Variants in JAM3 observed in about 807,000 individuals in gnomAD.
The protein encoded by JAM3 is junctional adhesion molecule C.
In JAM3, 31 loss-of-function variants were observed where a neutral mutation model predicts 39.4. The ratio of observed to expected loss-of-function variants is 0.79; its 90% confidence interval spans 0.59 to 1.06. The LOEUF is 1.06. JAM3 is among the 50% of genes least tolerant of loss of function. The pLI is 0.00. For synonymous variants in JAM3, 182 were observed against 148.7 expected (o/e 1.22, Z -1.63); for missense variants, 455 against 391.4 (o/e 1.16, Z -1.37).
At chr11:134,107,028 C>T (rs572415017) in intron 1 of JAM3, among the ~76,000 whole-genome samples, 34 of 152,290 alleles carry the variant, frequency 2.2e-4, no homozygotes, top group African/African-American at 7.2e-4. Context: ...AAGACACATG[C>T]ACACGTATGT....
rs371267641 is a variant in JAM3, at chr11:134,109,067, G to A, written c.77-30784G>A. On this transcript the variant is annotated intron_variant, in intron 1 of 8. Transcript: ENST00000299106. Reference sequence around the variant, plus strand: ...CACCTCCCAGGTTCAAGCAATTCTCGTGCCTTAGCCTCCCGTGTAGCTGGG... The same window carrying A: ...CACCTCCCAGGTTCAAGCAATTCTCATGCCTTAGCCTCCCGTGTAGCTGGG... Among the ~76,000 whole-genome samples, 437 of 152,018 alleles carry A rather than the reference G, an allele frequency of 2.9e-3. 1 individual carries two copies. Among genetic ancestry groups the A allele is most frequent in the African/African-American group, 9.6e-3 (399 of 41,456 alleles).
At chr11:134,130,165 C>T (rs1942741564) in intron 1 of JAM3, among the ~76,000 whole-genome samples, 1 of 152,136 alleles carries the variant, frequency 6.6e-6, no homozygotes, top group South Asian at 2.1e-4. Context: ...CTAGTTCTAC[C>T]TGAAGCAATT....
intron 1 of JAM3, among the ~76,000 whole-genome samples, chr11:134,093,144 TTCTA>T (rs1941905046): frequency 7.6e-6 from 1 of 131,002 alleles, no homozygotes; most frequent in South Asian, 2.7e-4. Context: ...ATTCATCATG[TTCTA>T]TCTTACATGT....
intron 1 of JAM3, among the ~76,000 whole-genome samples, chr11:134,069,418 C>T (rs951848397): frequency 4.6e-5 from 7 of 152,282 alleles, no homozygotes; most frequent in African/African-American, 1.4e-4. Context: ...GGGGCCCGTC[C>T]CAGGCAGTGA....
At chr11:134,091,020 T>C (rs1245939356) in intron 1 of JAM3, among the ~76,000 whole-genome samples, 1 of 152,210 alleles carries the variant, frequency 6.6e-6, no homozygotes, top group Non-Finnish European at 1.5e-5. Flanking sequence ...ATGTATTGGC[T>C]GGCTAAGATT....
intron 1 of JAM3, among the ~76,000 whole-genome samples, chr11:134,116,920 A>G (rs955154890): frequency 8.5e-5 from 13 of 152,104 alleles, no homozygotes; most frequent in African/African-American, 2.9e-4. Context: ...TCATTCTTTG[A>G]TGTGAGAAAC....
intron 1 of JAM3, among the ~76,000 whole-genome samples, chr11:134,074,987 CTTTTTT>C (rs57613157): frequency 6.4e-5 from 8 of 124,478 alleles, no homozygotes; most frequent in Admixed American, 8.5e-5. Flanking sequence ...AAGACAGCTG[CTTTTTT>C]TTTTTTTTTT....
chr11:134,091,370 C>G (rs544142697), intron 1 of JAM3, among the ~76,000 whole-genome samples: 1 of 152,202 alleles, frequency 6.6e-6, no homozygotes, highest in African/African-American at 2.4e-5. Context: ...TGGCACGCGC[C>G]TGTAGTCCCA....
At chr11:134,123,736 C>T (rs1942583537) in intron 1 of JAM3, 1 of 603,292 alleles carries the variant, frequency 1.7e-6, no homozygotes, top group Non-Finnish European at 3.0e-6. Context: ...ACTTTGATGA[C>T]ACAGGTAAGA....
chr11:134,142,415 C>T (rs1177976785), intron 3 of JAM3, among the ~76,000 whole-genome samples: 2 of 152,156 alleles, frequency 1.3e-5, no homozygotes, highest in Admixed American at 1.3e-4. Context: ...TTGCCAACGT[C>T]TGTGCTCCAT....
At chr11:134,144,702 G>T (rs936420405) in intron 4 of JAM3, 90 bp from the exon 5 acceptor site, 5 of 1,226,996 alleles carry the variant, frequency 4.1e-6, no homozygotes, top group Non-Finnish European at 6.0e-6. Flanking sequence ...TCGACTGGCT[G>T]TCTTGTCTTT....
chr11:134,130,820 T>TGG (rs1942755714), intron 1 of JAM3, among the ~76,000 whole-genome samples: 1 of 152,222 alleles, frequency 6.6e-6, no homozygotes, highest in African/African-American at 2.4e-5. Context: ...CCAGCCTTTC[T>TGG]GGGGGATACC....
intron 1 of JAM3, among the ~76,000 whole-genome samples, chr11:134,132,310 A>G (rs2120822158): frequency 6.6e-6 from 1 of 152,350 alleles, no homozygotes; most frequent in Non-Finnish European, 1.5e-5. Flanking sequence ...TGTAAAACAC[A>G]AATTCTATAT....
intron 5 of JAM3, 52 bp downstream of exon 5, chr11:134,145,046 G>C (rs1943046390): frequency 2.9e-6 from 4 of 1,391,614 alleles, no homozygotes; most frequent in Middle Eastern, 1.8e-4. Context: ...TGGGGCAAGA[G>C]ATGCTTATTG....
chr11:134,086,696 G>A (rs1395555952), intron 1 of JAM3, among the ~76,000 whole-genome samples: 1 of 152,120 alleles, frequency 6.6e-6, no homozygotes, highest in Non-Finnish European at 1.5e-5. Context: ...GAATGAATGA[G>A]TTCAGGACAA....
chr11:134,112,631 C>T (rs1349356562), intron 1 of JAM3, among the ~76,000 whole-genome samples: 3 of 152,130 alleles, frequency 2.0e-5, no homozygotes, highest in East Asian at 3.8e-4. Context: ...TAACATATTC[C>T]TCCCAACAAT....
Position 134,150,477 on chromosome 11 carries a change from G to A in JAM3, c.*1296G>A, listed in dbSNP as rs889044984. ...ATCCTTGGGCCCTGGCAGTGGCTGT[G>A]TCCCAGTGAGCTTTACTCACGTGGC... is the stretch of plus-strand genomic sequence containing the variant. On this transcript the variant is annotated 3_prime_UTR_variant, in exon 9 of 9. Coordinates refer to ENST00000299106, the MANE Select transcript of JAM3 (RefSeq NM_032801.5). The A allele has an allele frequency of 3.3e-5, 5 of 152,222 alleles. No homozygotes were observed. The highest frequency in any genetic ancestry group is 1.2e-4 in the African/African-American group (5 of 41,454). The allele number at this position is 152,222 out of a possible 1,614,324, so 9.4% of individuals were successfully genotyped here. A position where few individuals can be genotyped will look rare whatever the true frequency, so the allele number is the denominator to read the frequency against.
chr11:134,148,186 T>C (rs556816411), intron 6 of JAM3: 24 of 275,850 alleles, frequency 8.7e-5, no homozygotes, highest in African/African-American at 4.4e-4. Context: ...GATTCTTTTC[T>C]TCTTGGGATC....
At chr11:134,139,502 A>G in intron 1 of JAM3, 1 of 328,898 alleles carries the variant, frequency 3.0e-6, no homozygotes, top group Non-Finnish European at 5.9e-6. Context: ...GGGAAGATGG[A>G]GGGAGAAAGG....
Sources: allele counts gnomAD v4.1 joint callset (sites outside exome capture counted in the v4.1 genomes callset), GRCh38; gene constraint gnomAD v4.1.1; transcripts MANE v1.5; gene names NCBI Gene and HGNC (gene_info 2026-07-23, HGNC 2026-07-21).